Variants in CLASP2 observed in about 807,000 individuals in gnomAD.
CLASP2 encodes CLIP-associating protein 2.
In CLASP2, 47 loss-of-function variants were observed where a neutral mutation model predicts 194.4. That is an observed-to-expected ratio of 0.24 (90% CI 0.19 to 0.31). The LOEUF is 0.31. CLASP2 is among the 10% of genes least tolerant of loss of function. The pLI is 1.00. For synonymous variants in CLASP2, 619 were observed against 633.5 expected, an observed-to-expected ratio of 0.98 and a Z score of 0.34; for missense variants, 1,445 against 1,823.6, an observed-to-expected ratio of 0.79 and a Z score of 3.78.
chr3:33,701,589 C>G (rs2092380670), intron 1 of CLASP2, among the ~76,000 whole-genome samples: 1 of 152,178 alleles, frequency 6.6e-6, no homozygotes, highest in Admixed American at 6.5e-5. Flanking sequence ...GAGTAATACC[C>G]TGTCTCAAAA....
intron 6 of CLASP2, among the ~76,000 whole-genome samples, chr3:33,665,155 A>T (rs2154334799): frequency 6.6e-6 from 1 of 152,198 alleles, no homozygotes; most frequent in Non-Finnish European, 1.5e-5. Context: ...GCTGTTTGAG[A>T]AAAAGCAGAA....
intron 21 of CLASP2, among the ~76,000 whole-genome samples, chr3:33,586,748 G>A (rs557556680): frequency 6.6e-6 from 1 of 151,982 alleles, no homozygotes; most frequent in African/African-American, 2.4e-5. Context: ...TTTTCCCTTC[G>A]TGGGCACTAC....
At chr3:33,668,112 G>C (rs1435655246) in intron 6 of CLASP2, among the ~76,000 whole-genome samples, 2 of 152,106 alleles carry the variant, frequency 1.3e-5, no homozygotes, top group Non-Finnish European at 2.9e-5. Flanking sequence ...CCAGCTACTT[G>C]GGAGGCTGAG....
In CLASP2 at chr3:33,539,586, C is replaced by T. The variant is rs987154736; in HGVS notation, c.3405-644G>A. On this transcript the variant is annotated intron_variant, in intron 32 of 38. Coordinates refer to ENST00000682230, the MANE Select transcript of CLASP2 (RefSeq NM_001365631.1). ...CTGACCTCAGGTGATCCGCCCACCT[C>T]GGCCTCCCAAAGTGCTGGGATTACA... Among the ~76,000 whole-genome samples, 6 of 152,096 alleles carry T rather than the reference C, an allele frequency of 3.9e-5. No homozygotes were observed. The East Asian group carries it at 9.7e-4, about 25-fold the overall frequency.
Position 33,496,771 on chromosome 3 carries a change from A to G in CLASP2, c.*1860T>C, listed in dbSNP as rs1294142073. On this transcript the variant is annotated 3_prime_UTR_variant, in exon 39 of 39. Coordinates refer to ENST00000682230, the MANE Select transcript of CLASP2 (RefSeq NM_001365631.1). The stretch of plus-strand genomic sequence containing the variant: ...AAGGTCATAAAATGCTACTGAGAAG[A>G]GTTGTGTTTAAAATGCATTTTCTTC... 1 of 151,702 alleles carries G rather than the reference A, an allele frequency of 6.6e-6. No homozygotes were observed. Among genetic ancestry groups the G allele is most frequent in the Non-Finnish European group, 1.5e-5 (1 of 67,684 alleles). 9.4% of individuals were successfully genotyped at this position (151,702 alleles called of 1,614,324 possible).
chr3:33,699,411 C>T (rs2092208142), intron 1 of CLASP2, among the ~76,000 whole-genome samples: 1 of 152,022 alleles, frequency 6.6e-6, no homozygotes, highest in African/African-American at 2.4e-5. Flanking sequence ...AACACCAAGA[C>T]ACATCCTATT....
chr3:33,565,230 G>T (rs1363977660), intron 27 of CLASP2, among the ~76,000 whole-genome samples: 1 of 152,056 alleles, frequency 6.6e-6, no homozygotes. Flanking sequence ...CCAGGGTGGA[G>T]TGCACTGGTG....
chr3:33,545,021 AC>A (rs1467347756), intron 30 of CLASP2, 180 bp from the exon 31 acceptor site: 18 of 438,490 alleles, frequency 4.1e-5, no homozygotes, highest in Non-Finnish European at 6.7e-5. Context: ...ATATTGACCT[AC>A]CTTTTTTTTT....
chr3:33,688,286 GT>G lies in CLASP2; in HGVS notation c.460del (p.Thr154ProfsTer2). ...TAATCATAAAACTTACATGTTTAAGGTTTCAATAAGACACAGACACACGCCT... is the reference window on the plus strand; with the variant it reads ...TAATCATAAAACTTACATGTTTAAGGTTCAATAAGACACAGACACACGCCT... ...REGVCLCLIE[T>X]LNIFGAQPLV... On this transcript the variant is annotated frameshift_variant, in exon 4 of 39. Transcript: ENST00000682230. LOFTEE classifies it high-confidence loss of function. 1 of 1,566,816 alleles carries G rather than the reference GT, an allele frequency of 6.4e-7. No individual in the cohort carries two copies. Among genetic ancestry groups the G allele is most frequent in the Admixed American group, 1.9e-5 (1 of 51,878 alleles).
intron 1 of CLASP2, among the ~76,000 whole-genome samples, chr3:33,700,566 C>A (rs2092304977): frequency 6.6e-6 from 1 of 151,886 alleles, no homozygotes; most frequent in Non-Finnish European, 1.5e-5. Context: ...CAATTGTGGG[C>A]CAGGTGCGGT....
intron 30 of CLASP2, among the ~76,000 whole-genome samples, chr3:33,547,741 G>A (rs115459388): frequency 0.012 from 1,879 of 151,950 alleles, 14 homozygotes; most frequent in Middle Eastern, 0.045. Context: ...TTTACCACCA[G>A]TGACGCCATC....
At chr3:33,553,104 C>T (rs2060316781) in intron 29 of CLASP2, among the ~76,000 whole-genome samples, 1 of 152,062 alleles carries the variant, frequency 6.6e-6, no homozygotes, top group Admixed American at 6.5e-5. Context: ...TATGTTTTTT[C>T]TTCCCTTACT....
intron 7 of CLASP2, among the ~76,000 whole-genome samples, chr3:33,657,540 T>C (rs1279141591): frequency 6.6e-6 from 1 of 151,128 alleles, no homozygotes; most frequent in Admixed American, 6.6e-5. Context: ...AATCTGGATA[T>C]GGCCCACACC....
intron 6 of CLASP2, among the ~76,000 whole-genome samples, chr3:33,670,853 A>C (rs1219802691): frequency 6.6e-6 from 1 of 152,216 alleles, no homozygotes; most frequent in Non-Finnish European, 1.5e-5. Flanking sequence ...ATATCAATGC[A>C]AAATCCTATC....
chr3:33,538,898 T>C lies in CLASP2; in HGVS notation c.3449A>G (p.Tyr1150Cys), dbSNP rs746050621. 6 of 1,601,234 alleles carry C rather than the reference T, an allele frequency of 3.7e-6. No homozygotes were observed. Among genetic ancestry groups the C allele is most frequent in the Non-Finnish European group, 5.1e-6 (6 of 1,174,664 alleles). ...DTENMNSEDI[Y>C]SSLRGVTEAI... ...TTCAGTGACACCTCTAAGAGAGCTA[T>C]AAATATCTTCAGAGTTCATATTTTC... is the stretch of plus-strand genomic sequence containing the variant. Residue 1150 changes from tyrosine (Y) to cysteine (C), a missense_variant, in exon 33 of 39, where the codon TAT becomes TGT. Around this residue, in one of 4 missense-constraint regions of CLASP2, gnomAD observed 732 missense variants for 987.9 expected, o/e 0.74. Transcript: ENST00000682230.
intron 13 of CLASP2, among the ~76,000 whole-genome samples, chr3:33,609,342 T>C (rs1014567058): frequency 7.2e-5 from 11 of 152,180 alleles, no homozygotes; most frequent in African/African-American, 2.7e-4. Context: ...TTATTAAACA[T>C]CTATGCACTT....
At chr3:33,601,992 C>G (rs2072339871) in intron 18 of CLASP2, among the ~76,000 whole-genome samples, 1 of 150,260 alleles carries the variant, frequency 6.7e-6, no homozygotes, top group South Asian at 2.1e-4. Flanking sequence ...ATTGCTAATT[C>G]AAAAATCCAA....
rs1047232979 is a variant in CLASP2 at position 33,695,152 on chromosome 3, T to C, written c.274+1703A>G. On this transcript the variant is annotated intron_variant, in intron 2 of 38. Transcript: ENST00000682230. ...TTAGTTCATTGTAACCTTGAAATCC[T>C]GGGCCCAACCTCCCATCTCAGCCTT... is the stretch of plus-strand genomic sequence containing the variant. Among the ~76,000 whole-genome samples, 8 of 150,288 alleles carry C rather than the reference T, an allele frequency of 5.3e-5. No homozygotes were observed. In the Admixed American group the frequency reaches 5.3e-4, roughly 10 times the overall value.
At chr3:33,715,365 T>C (rs2093241844) in intron 1 of CLASP2, among the ~76,000 whole-genome samples, 1 of 152,236 alleles carries the variant, frequency 6.6e-6, no homozygotes, top group Non-Finnish European at 1.5e-5. Context: ...TTCCAACATA[T>C]GCATCTTGCC....
Sources: allele counts gnomAD v4.1 joint callset (sites outside exome capture counted in the v4.1 genomes callset), GRCh38; gene constraint gnomAD v4.1.1; regional missense constraint gnomAD v4.1.1; transcripts MANE v1.5; gene names NCBI Gene and HGNC (gene_info 2026-07-23, HGNC 2026-07-21).